LAMA1: variants seen among roughly 807,000 people sequenced by gnomAD.
The protein encoded by LAMA1 is laminin subunit alpha-1.
LAMA1 carries 219 observed loss-of-function variants against 348.7 expected under a neutral mutation model. The observed-to-expected ratio is 0.63, with a 90% confidence interval of 0.56 to 0.70. The LOEUF (loss-of-function observed/expected upper bound fraction) is 0.70, where lower values mean the gene tolerates loss of function less well. Ranked by LOEUF, LAMA1 falls within the 30% of genes least tolerant of loss-of-function variation. The probability of loss-of-function intolerance (pLI) is 0.00; values close to 1 mark genes in which losing one functional copy is unlikely to be tolerated. For synonymous variants in LAMA1, 1,487 were observed against 1,491.0 expected (o/e 1.00, Z 0.06); for missense variants, 3,744 against 3,888.0 (o/e 0.96, Z 0.99).
intron 47 of LAMA1, 58 bp from the exon 48 acceptor site, chr18:6,972,039 T>C: frequency 6.2e-7 from 1 of 1,601,574 alleles, no homozygotes; most frequent in Non-Finnish European, 8.5e-7. Flanking sequence ...GCAAAATACA[T>C]TCTCCAAGTG....
intron 48 of LAMA1, among the ~76,000 whole-genome samples, chr18:6,967,505 C>T (rs575117606): frequency 3.3e-5 from 5 of 152,276 alleles, no homozygotes; most frequent in African/African-American, 9.6e-5. Flanking sequence ...TCTCTGTGTG[C>T]CCTTTCCTTC....
chr18:7,001,036 C>G (rs546215891), intron 30 of LAMA1, among the ~76,000 whole-genome samples: 4 of 152,258 alleles, frequency 2.6e-5, no homozygotes, highest in Non-Finnish European at 5.9e-5. Context: ...AATATTCAAA[C>G]AGCACAGAAA....
chr18:7,082,085 T>C (rs2058195403), intron 1 of LAMA1, among the ~76,000 whole-genome samples: 1 of 152,106 alleles, frequency 6.6e-6, no homozygotes, highest in East Asian at 1.9e-4. Flanking sequence ...AACCTTACCA[T>C]GCATCTATTA....
chr18:6,966,258 A>G lies in LAMA1; in HGVS notation c.6939T>C (p.Ser2313=), dbSNP rs1568010641. 1.2e-6 allele frequency: 2 copies of G among 1,613,838 alleles called. No homozygotes were observed. The highest frequency in any genetic ancestry group is 1.7e-6 in the Non-Finnish European group (2 of 1,179,942). ...GTGACTTCTCCACGACAGAGTACCC[A>G]CTCCCGTCAAAATGGAAGGAAGGGT... is the stretch of plus-strand genomic sequence containing the variant. ...NEDPSFHFDG[S]GYSVVEKSLP... Residue 2313 remains serine, a synonymous_variant, in exon 49 of 63, where the codon AGT becomes AGC. Coordinates refer to ENST00000389658, the MANE Select transcript of LAMA1 (RefSeq NM_005559.4).
rs949114262 is a variant in LAMA1, at chr18:7,068,389, C to T, written c.345+11586G>A. Among the ~76,000 whole-genome samples the T allele has an allele frequency of 5.3e-5, 8 of 152,180 alleles. No individual in the cohort carries two copies. In the East Asian group the frequency reaches 1.5e-3, roughly 29 times the overall value. ...TTGTCCACTTTCTTTGCACTAAGGG[C>T]TTAATGTGAATCCGATCGTTGTCTT... On this transcript the variant is annotated intron_variant, in intron 3 of 62. Coordinates refer to ENST00000389658, the MANE Select transcript of LAMA1 (RefSeq NM_005559.4).
intron 1 of LAMA1, among the ~76,000 whole-genome samples, chr18:7,096,197 C>T (rs903621431): frequency 4.6e-5 from 7 of 152,224 alleles, no homozygotes; most frequent in African/African-American, 7.2e-5. Context: ...TTCTCCAATC[C>T]GGAATACTGC....
Position 6,980,542 on chromosome 18 carries a change from TC to T in LAMA1, c.5985del (p.Ile1996TyrfsTer9). The T allele has an allele frequency of 6.2e-7, 1 of 1,607,814 alleles. No homozygotes were observed. The stretch of plus-strand genomic sequence containing the variant: ...TTACCTTTAGGAATTGCTCTAAGTA[TC>T]AAGAGTGATTCATTGGTTTGCCTGG... ...EITRQTNESL[L>X]ILRAIPKGIR... On this transcript the variant is annotated frameshift_variant, in exon 42 of 63. Coordinates refer to ENST00000389658, the MANE Select transcript of LAMA1 (RefSeq NM_005559.4). LOFTEE classifies it high-confidence loss of function.
intron 36 of LAMA1, among the ~76,000 whole-genome samples, chr18:6,990,055 T>G (rs1025257901): frequency 6.6e-6 from 1 of 152,160 alleles, no homozygotes; most frequent in African/African-American, 2.4e-5. Context: ...TTGTTTTTGG[T>G]GGTTAATCAT....
chr18:6,962,205 T>C (rs558674108), intron 51 of LAMA1, 146 bp from the exon 52 acceptor site: 5 of 697,516 alleles, frequency 7.2e-6, no homozygotes, highest in Non-Finnish European at 1.3e-5. Flanking sequence ...AAGGATTACC[T>C]AAGCCCACGA....
chr18:7,091,582 C>T, intron 1 of LAMA1, among the ~76,000 whole-genome samples: 1 of 152,208 alleles, frequency 6.6e-6, no homozygotes, highest in East Asian at 1.9e-4. Flanking sequence ...CTTGATTGTA[C>T]AGATTTTACT....
rs758968308 is a variant in LAMA1 at position 7,007,267 on chromosome 18, G to C, written c.4132C>G (p.Pro1378Ala). Reference protein sequence around the residue: ...TVGFSCQDCAPGYHRGKLPAG... With the variant: ...TVGFSCQDCAAGYHRGKLPAG... ...GGGAGCTTCCCTCTGTGGTACCCAG[G>C]GGCGCAGTCCTGAGGGGGTGCAAAA... is the stretch of plus-strand genomic sequence containing the variant. The change falls in exon 29 of 63, where the codon CCT (proline) becomes GCT (alanine). Residue 1378 changes from proline to alanine, a missense_variant. Pro to Ala is a conservative substitution (Grantham distance 27). This residue lies in a region of LAMA1 where 1,983 missense variants were observed against 1,934.3 expected (regional missense o/e 1.03). Transcript: ENST00000389658. 6.2e-7 allele frequency: 1 copy of C among 1,613,936 alleles called. No individual in the cohort carries two copies. Among genetic ancestry groups the C allele is most frequent in the South Asian group, 1.1e-5 (1 of 91,036 alleles).
intron 52 of LAMA1, 57 bp from the exon 53 acceptor site, chr18:6,961,816 C>T (rs907255634): frequency 3.6e-5 from 58 of 1,599,346 alleles, no homozygotes; most frequent in African/African-American, 2.0e-4. Flanking sequence ...CCAAACCTTC[C>T]GTGGGGAGGA....
intron 42 of LAMA1, among the ~76,000 whole-genome samples, chr18:6,979,448 G>A (rs914692975): frequency 2.6e-5 from 4 of 152,142 alleles, no homozygotes; most frequent in African/African-American, 9.7e-5. Flanking sequence ...CAAGAGGGTC[G>A]CTTGAGGCCA....
At chr18:7,039,035 G>T (rs62083462) in intron 10 of LAMA1, 85 bp from the exon 11 acceptor site, 1 of 1,109,572 alleles carries the variant, frequency 9.0e-7, no homozygotes, top group Non-Finnish European at 1.4e-6. Context: ...ATAGGTGTTC[G>T]GTGATCCACA....
At chr18:7,098,545 C>T (rs1038867890) in intron 1 of LAMA1, among the ~76,000 whole-genome samples, 4 of 146,332 alleles carry the variant, frequency 2.7e-5, no homozygotes, top group Non-Finnish European at 4.6e-5. Context: ...GCTGCGACCC[C>T]GTCTGGGAGG....
At chr18:7,082,985 G>C (rs1176232077) in intron 1 of LAMA1, among the ~76,000 whole-genome samples, 4 of 150,284 alleles carry the variant, frequency 2.7e-5, no homozygotes. Context: ...ATTGAGGAGG[G>C]GAGGGGGCCA....
intron 10 of LAMA1, among the ~76,000 whole-genome samples, 174 bp downstream of exon 10, chr18:7,039,902 T>C (rs1426668834): frequency 6.6e-6 from 1 of 151,878 alleles, no homozygotes; most frequent in Non-Finnish European, 1.5e-5. Flanking sequence ...CCCATGTGAG[T>C]CCAAGCATAT....
At chr18:6,964,185 C>A in intron 51 of LAMA1, 1 of 183,634 alleles carries the variant, frequency 5.4e-6, no homozygotes, top group Non-Finnish European at 1.2e-5. Flanking sequence ...AGAAGGCCTG[C>A]TTTACTTCTC....
At chr18:6,946,297 T>C (rs1045182866) in intron 61 of LAMA1, among the ~76,000 whole-genome samples, 1 of 152,112 alleles carries the variant, frequency 6.6e-6, no homozygotes, top group Non-Finnish European at 1.5e-5. Context: ...ATTTCATTTA[T>C]ATAACACTGG....
Sources: gnomAD v4.1 joint callset for allele counts (sites outside exome capture counted in the v4.1 genomes callset) on GRCh38, gnomAD v4.1.1 for gene constraint, gnomAD v4.1.1 regional missense constraint, MANE v1.5 for transcripts, NCBI Gene and HGNC (gene_info 2026-07-23, HGNC 2026-07-21) for gene names.